RNF150: variants seen among roughly 807,000 people sequenced by gnomAD.
RNF150 encodes the protein ring finger protein 150.
In RNF150, 24 loss-of-function variants were observed where a neutral mutation model predicts 39.3. The ratio of observed to expected loss-of-function variants is 0.61; its 90% CI spans 0.44 to 0.86. The LOEUF (loss-of-function observed/expected upper bound fraction) is 0.86. Ranked by LOEUF, RNF150 falls within the 40% of genes least tolerant of loss-of-function variation. The pLI is 0.00. For synonymous variants in RNF150, 255 were observed against 227.3 expected (o/e 1.12, Z -1.10); for missense variants, 502 against 587.8 (o/e 0.85, Z 1.51).
chr4:141,178,440 G>A (rs573736644), intron 1 of RNF150, among the ~76,000 whole-genome samples: 11 of 152,232 alleles, frequency 7.2e-5, no homozygotes, highest in East Asian at 5.8e-4. Context: ...TTGTGCTTCC[G>A]ATTCAAAGAA....
intron 1 of RNF150, among the ~76,000 whole-genome samples, chr4:141,038,352 TA>T (rs1231741641): frequency 2.6e-5 from 4 of 152,154 alleles, no homozygotes; most frequent in Non-Finnish European, 1.5e-5. Context: ...ACTAAGTGAT[TA>T]ACAGAGTTGA....
chr4:141,026,243 T>A (rs1735692415), intron 1 of RNF150, among the ~76,000 whole-genome samples: 1 of 152,058 alleles, frequency 6.6e-6, no homozygotes, highest in South Asian at 2.1e-4. Flanking sequence ...GACACAGGAA[T>A]CCCCAGAATG....
chr4:141,114,551 C>T (rs1352248217), intron 1 of RNF150, among the ~76,000 whole-genome samples: 2 of 152,162 alleles, frequency 1.3e-5, no homozygotes, highest in Non-Finnish European at 2.9e-5. Flanking sequence ...CAGACGGATT[C>T]ACAGCCAAAT....
intron 1 of RNF150, among the ~76,000 whole-genome samples, chr4:141,098,128 C>T (rs1738869711): frequency 6.6e-6 from 1 of 152,184 alleles, no homozygotes; most frequent in Admixed American, 6.5e-5. Flanking sequence ...AATTTCCTGC[C>T]TTTGATCACA....
At chr4:141,016,287 C>T (rs144398630) in intron 1 of RNF150, among the ~76,000 whole-genome samples, 5 of 152,214 alleles carry the variant, frequency 3.3e-5, no homozygotes, top group East Asian at 1.9e-4. Flanking sequence ...GAAGACTGAC[C>T]GAAACAGGGA....
intron 1 of RNF150, among the ~76,000 whole-genome samples, chr4:140,996,449 A>AATTTG (rs1455120361): frequency 5.3e-5 from 8 of 152,154 alleles, no homozygotes; most frequent in African/African-American, 1.4e-4. Flanking sequence ...GTAGAAAGAA[A>AATTTG]ATTTGATTTG....
At chr4:141,184,743 C>T (rs1004301212) in intron 1 of RNF150, among the ~76,000 whole-genome samples, 5 of 152,060 alleles carry the variant, frequency 3.3e-5, no homozygotes, top group African/African-American at 9.7e-5. Flanking sequence ...TCTTCCAACA[C>T]CTTTTATTAA....
chr4:141,076,320 TA>T (rs1404174954), intron 1 of RNF150, among the ~76,000 whole-genome samples: 1 of 152,176 alleles, frequency 6.6e-6, no homozygotes, highest in Admixed American at 6.6e-5. Flanking sequence ...AATTGCTTTT[TA>T]AAAAATAATA....
intron 6 of RNF150, among the ~76,000 whole-genome samples, chr4:140,888,600 C>T (rs959770601): frequency 6.6e-6 from 1 of 152,132 alleles, no homozygotes; most frequent in Non-Finnish European, 1.5e-5. Context: ...GTAAGCTGCT[C>T]AACAAGGTAA....
intron 1 of RNF150, among the ~76,000 whole-genome samples, chr4:141,088,985 T>C (rs1409459162): frequency 6.6e-6 from 1 of 152,068 alleles, no homozygotes; most frequent in African/African-American, 2.4e-5. Context: ...GCTAACAAAG[T>C]CTCTAGGAAA....
intron 1 of RNF150, among the ~76,000 whole-genome samples, chr4:141,100,516 T>C (rs1408714601): frequency 2.0e-5 from 3 of 152,250 alleles, no homozygotes; most frequent in Non-Finnish European, 4.4e-5. Flanking sequence ...ATTCTGTAGA[T>C]TGATCTAATA....
At chr4:141,000,607 GAGA>G (rs1367292567) in intron 1 of RNF150, among the ~76,000 whole-genome samples, 1 of 152,202 alleles carries the variant, frequency 6.6e-6, no homozygotes, top group Non-Finnish European at 1.5e-5. Flanking sequence ...AAGGAATGTT[GAGA>G]AGGATATAAA....
intron 1 of RNF150, among the ~76,000 whole-genome samples, chr4:141,083,065 C>T (rs1420566043): frequency 2.6e-5 from 4 of 151,954 alleles, no homozygotes; most frequent in Non-Finnish European, 5.9e-5. Flanking sequence ...TTATATTATC[C>T]AAAAACAAAT....
chr4:141,071,932 T>C (rs914879809), intron 1 of RNF150, among the ~76,000 whole-genome samples: 7 of 152,166 alleles, frequency 4.6e-5, no homozygotes, highest in African/African-American at 1.7e-4. Context: ...CAAGTGCAGA[T>C]GTGAGATTCT....
intron 2 of RNF150, among the ~76,000 whole-genome samples, chr4:140,962,713 T>C (rs1317849756): frequency 6.6e-6 from 1 of 152,106 alleles, no homozygotes; most frequent in East Asian, 1.9e-4. Context: ...ACTGAATGAT[T>C]AGTGCCAGGC....
chr4:141,176,290 T>G (rs1387619311), intron 1 of RNF150, among the ~76,000 whole-genome samples: 2 of 152,096 alleles, frequency 1.3e-5, no homozygotes, highest in Admixed American at 6.6e-5. Context: ...AGGCCCAACC[T>G]CTTACTACTA....
At chr4:140,995,651 T>C (rs1443865378) in intron 1 of RNF150, among the ~76,000 whole-genome samples, 1 of 152,170 alleles carries the variant, frequency 6.6e-6, no homozygotes, top group African/African-American at 2.4e-5. Context: ...TGGAGTTGTG[T>C]CCCGCCTCCT....
intron 6 of RNF150, among the ~76,000 whole-genome samples, chr4:140,897,652 T>C (rs905815393): frequency 1.4e-4 from 21 of 152,188 alleles, no homozygotes; most frequent in African/African-American, 4.3e-4. Flanking sequence ...AGAGTGATAA[T>C]TGTAAAGGTT....
In RNF150 at chr4:141,016,858, C is replaced by T. The variant is rs141606952; in HGVS notation, c.485-48985G>A. 6.1e-3 allele frequency among the ~76,000 whole-genome samples: 930 copies of T among 152,252 alleles called. 8 individuals are homozygous for T. Among genetic ancestry groups the T allele is most frequent in the Non-Finnish European group, 8.5e-3 (577 of 68,024 alleles). ...AGGGGGTCTGTCCAGATTCTTCTTT[C>T]GGCCCAGTTCTGCTCCCTCTGGAAA... is the stretch of plus-strand genomic sequence containing the variant. On this transcript the variant is annotated intron_variant, in intron 1 of 6. Transcript: ENST00000515673.
Sources: gnomAD v4.1 joint callset for allele counts (sites outside exome capture counted in the v4.1 genomes callset) on GRCh38, gnomAD v4.1.1 for gene constraint, MANE v1.5 for transcripts, NCBI Gene and HGNC (gene_info 2026-07-23, HGNC 2026-07-21) for gene names.